The following ANKRD36 variants were observed in gnomAD, a reference collection of about 807,000 sequenced individuals.
ANKRD36 encodes ankyrin repeat domain 36.
In ANKRD36, 179 loss-of-function variants were observed where a neutral mutation model predicts 278.1. The ratio of observed to expected loss-of-function variants is 0.64; its 90% CI spans 0.57 to 0.73. The LOEUF is 0.73. Ranked by LOEUF, ANKRD36 falls within the 30% of genes least tolerant of loss-of-function variation. ANKRD36 has a pLI of 0.00. For missense variants in ANKRD36, 1,159 were observed against 1,956.7 expected, an observed-to-expected ratio of 0.59 and a Z score of 7.69; for synonymous variants, 320 against 641.1, an observed-to-expected ratio of 0.50 and a Z score of 7.57.
chr2:97,132,720 G>A (rs1559258852), intron 6 of ANKRD36, among the ~76,000 whole-genome samples: 2 of 152,046 alleles, frequency 1.3e-5, no homozygotes, highest in Non-Finnish European at 2.9e-5. Context: ...GCTTTGATTT[G>A]TTACAGTGAA....
Position 97,181,890 on chromosome 2 carries a change from C to G in ANKRD36, c.1837+97C>G, listed in dbSNP as rs2056331124. On this transcript the variant is annotated intron_variant, in intron 26 of 75. Transcript: ENST00000420699. The stretch of plus-strand genomic sequence containing the variant: ...CAGCAGGGGATTCATTGAAGCTGCA[C>G]ATTCTGATTCAGCAGGCCTGAGATT... The G allele has an allele frequency of 1.9e-5, 22 of 1,133,746 alleles. 2 individuals are homozygous for G. The South Asian group carries it at 2.8e-4, about 14-fold the overall frequency. 70.2% of individuals were successfully genotyped at this position (1,133,746 alleles called of 1,614,324 possible).
intron 22 of ANKRD36, among the ~76,000 whole-genome samples, chr2:97,168,354 C>T (rs1457475443): frequency 2.0e-5 from 3 of 152,230 alleles, no homozygotes; most frequent in East Asian, 3.8e-4. Context: ...TTGGTAGATA[C>T]AGGGTTTTAA....
chr2:97,194,460 T>C (rs1185097748), intron 38 of ANKRD36, among the ~76,000 whole-genome samples: 1 of 151,620 alleles, frequency 6.6e-6, no homozygotes, highest in African/African-American at 2.4e-5. Flanking sequence ...CATATCCACA[T>C]TGGGATTGAC....
intron 28 of ANKRD36, among the ~76,000 whole-genome samples, chr2:97,184,319 A>G (rs1014300238): frequency 2.6e-5 from 4 of 151,796 alleles, no homozygotes; most frequent in African/African-American, 9.7e-5. Flanking sequence ...ATTCCTGTTT[A>G]TTAGTATCAG....
At position 97,194,771 on chromosome 2, in the gene ANKRD36, T is replaced by A. The variant is rs1361875438; in HGVS notation, c.2478+17T>A. On this transcript the variant is annotated intron_variant, in intron 39 of 75. Coordinates refer to ENST00000420699, the MANE Select transcript of ANKRD36 (RefSeq NM_001354587.1). ...GCCTTGAAGGTAATGAAACTCTCAT[T>A]CATATTGTGAGCTAGTAAACGTATA... 6.2e-7 allele frequency: 1 copy of A among 1,603,262 alleles called. No individual in the cohort carries two copies. The highest frequency in any genetic ancestry group is 8.5e-7 in the Non-Finnish European group (1 of 1,178,396).
intron 20 of ANKRD36, among the ~76,000 whole-genome samples, chr2:97,167,049 G>A (rs2050935803): frequency 6.6e-6 from 1 of 151,872 alleles, no homozygotes; most frequent in Non-Finnish European, 1.5e-5. Flanking sequence ...TACACATTAG[G>A]TATTTGGAGT....
chr2:97,176,661 T>G (rs939015806), intron 22 of ANKRD36, among the ~76,000 whole-genome samples: 47 of 150,408 alleles, frequency 3.1e-4, no homozygotes, highest in Non-Finnish European at 5.8e-4. Flanking sequence ...AATTTGATCC[T>G]GTCATTACGA....
At chr2:97,126,496 TAATAG>T (rs2038684986) in intron 5 of ANKRD36, among the ~76,000 whole-genome samples, 1 of 151,930 alleles carries the variant, frequency 6.6e-6, no homozygotes, top group South Asian at 2.1e-4. Flanking sequence ...AAGCCACAAA[TAATAG>T]AACAATAAGC....
In ANKRD36 at chr2:97,118,185, A is replaced by G. The variant is rs763185357; in HGVS notation, c.312+7A>G. On this transcript the variant is annotated splice_region_variant and intron_variant, in intron 2 of 75. Coordinates refer to ENST00000420699, the MANE Select transcript of ANKRD36 (RefSeq NM_001354587.1). ...CAGGACACCTCTGATCAAGGTATAT[A>G]GTAGCTGACTCTTTGAGCATGAGAT... The G allele has an allele frequency of 2.5e-6, 4 of 1,583,712 alleles. No individual in the cohort carries two copies. Among genetic ancestry groups the G allele is most frequent in the Non-Finnish European group, 3.4e-6 (4 of 1,163,314 alleles).
chr2:97,129,527 T>C (rs1037137235), intron 6 of ANKRD36, among the ~76,000 whole-genome samples: 1 of 152,174 alleles, frequency 6.6e-6, no homozygotes, highest in African/African-American at 2.4e-5. Flanking sequence ...TTTGGTGTTT[T>C]AGACGTGAAG....
intron 68 of ANKRD36, among the ~76,000 whole-genome samples, chr2:97,235,238 C>T (rs1007793268): frequency 6.6e-6 from 1 of 151,590 alleles, no homozygotes; most frequent in African/African-American, 2.4e-5. Flanking sequence ...TATGGACAGC[C>T]AATTGTTCCA....
chr2:97,177,331 A>G (rs1455455995), intron 22 of ANKRD36, among the ~76,000 whole-genome samples: 1 of 151,944 alleles, frequency 6.6e-6, no homozygotes, highest in Admixed American at 6.6e-5. Flanking sequence ...AAACTACTTT[A>G]AAGTTCATAT....
At chr2:97,196,480 A>C in intron 40 of ANKRD36, 113 bp from the exon 41 acceptor site, 1 of 1,549,450 alleles carries the variant, frequency 6.5e-7, no homozygotes, top group East Asian at 2.4e-5. Context: ...AAGCCATCAA[A>C]GCCTATGCTA....
At chr2:97,179,036 A>G in intron 22 of ANKRD36, among the ~76,000 whole-genome samples, 1 of 151,518 alleles carries the variant, frequency 6.6e-6, no homozygotes, top group Non-Finnish European at 1.5e-5. Context: ...AAATTTGGTA[A>G]TTTATTACAC....
At chr2:97,204,369 C>T (rs1575856276) in intron 50 of ANKRD36, 106 bp downstream of exon 50, 2 of 1,326,808 alleles carry the variant, frequency 1.5e-6, no homozygotes, top group East Asian at 2.6e-5. Context: ...CATTCTGATT[C>T]AGCAGTCCTG....
At chr2:97,153,817 A>T (rs2046740603) in intron 14 of ANKRD36, among the ~76,000 whole-genome samples, 1 of 147,594 alleles carries the variant, frequency 6.8e-6, no homozygotes, top group African/African-American at 2.4e-5. Context: ...CTGAAGAGGG[A>T]TCCAGAAGGG....
At chr2:97,197,230 T>C (rs1313531078) in intron 42 of ANKRD36, among the ~76,000 whole-genome samples, 3 of 151,942 alleles carry the variant, frequency 2.0e-5, no homozygotes, top group Non-Finnish European at 4.4e-5. Context: ...GCAATCATTT[T>C]GCCAAAGAAG....
chr2:97,217,652 A>G (rs1485183589), intron 64 of ANKRD36, among the ~76,000 whole-genome samples: 1 of 152,100 alleles, frequency 6.6e-6, no homozygotes, highest in Admixed American at 6.6e-5. Flanking sequence ...GGGACAGCAT[A>G]ATTTTGCTCT....
intron 10 of ANKRD36, among the ~76,000 whole-genome samples, chr2:97,145,199 G>T (rs565392407): frequency 1.3e-5 from 2 of 152,106 alleles, no homozygotes; most frequent in African/African-American, 2.4e-5. Context: ...GAAGGGAAAA[G>T]AAGTTATTTG....
Sources: allele counts gnomAD v4.1 joint callset (sites outside exome capture counted in the v4.1 genomes callset), GRCh38; gene constraint gnomAD v4.1.1; transcripts MANE v1.5; gene names NCBI Gene and HGNC (gene_info 2026-07-23, HGNC 2026-07-21).